Variants in PWWP3B observed in about 807,000 individuals in gnomAD.
The protein encoded by PWWP3B is PWWP domain containing 3B, also known as PWWP domain-containing DNA repair factor 3B.
Under a neutral mutation model 15.7 loss-of-function variants are expected in PWWP3B, and 5 were observed. The ratio of observed to expected loss-of-function variants is 0.32; its 90% confidence interval spans 0.17 to 0.67. The LOEUF (loss-of-function observed/expected upper bound fraction) is 0.67. Among genes scored for constraint, PWWP3B ranks in the 30% least tolerant of loss-of-function variants. The probability of loss-of-function intolerance (pLI) is 0.74; values close to 1 mark genes in which losing one functional copy is unlikely to be tolerated. For synonymous variants in PWWP3B, 203 were observed against 179.8 expected (o/e 1.13, Z -1.03); for missense variants, 519 against 493.1 (o/e 1.05, Z -0.50).
At chrX:106,174,500 G>A (rs1250197278) in intron 2 of PWWP3B, among the ~76,000 whole-genome samples, 1 of 111,751 alleles carries the variant, frequency 8.9e-6, no homozygotes, top group African/African-American at 3.3e-5. Flanking sequence ...CAGCAAAAGA[G>A]GATAAAAATG....
At chrX:106,170,186 T>A (rs1001287265) in intron 1 of PWWP3B, among the ~76,000 whole-genome samples, 1 of 111,908 alleles carries the variant, frequency 8.9e-6, no homozygotes, top group Non-Finnish European at 1.9e-5. Flanking sequence ...AAAATAATTA[T>A]TGATATGGAA....
intron 2 of PWWP3B, among the ~76,000 whole-genome samples, chrX:106,187,432 G>A (rs1484997010): frequency 8.9e-6 from 1 of 112,136 alleles, no homozygotes; most frequent in Non-Finnish European, 1.9e-5. Flanking sequence ...TGCCTGGGAA[G>A]TATAAAATCT....
intron 2 of PWWP3B, among the ~76,000 whole-genome samples, chrX:106,174,946 G>A (rs1337867135): frequency 3.7e-5 from 4 of 107,784 alleles, no homozygotes; most frequent in Non-Finnish European, 5.8e-5. Context: ...TACTCAGGAG[G>A]CTGAGGCAGG....
At position 106,182,967 on chromosome X, in the gene PWWP3B, C is replaced by T. The variant is rs560749900; in HGVS notation, c.-401+11828C>T. Among the ~76,000 whole-genome samples, 35 of 111,256 alleles carry T rather than the reference C, an allele frequency of 3.1e-4. No homozygotes were observed. In the South Asian group the frequency reaches 8.1e-3, roughly 26 times the overall value. Reference sequence around the variant, plus strand: ...GAAATAGGAGACACAAATCCTCCAACGGTTTGCAGGTGTATCAAGGCTGGT... The same window carrying T: ...GAAATAGGAGACACAAATCCTCCAATGGTTTGCAGGTGTATCAAGGCTGGT... On this transcript the variant is annotated intron_variant, in intron 2 of 3. Coordinates refer to ENST00000357175, the MANE Select transcript of PWWP3B (RefSeq NM_001171020.2).
Position 106,192,768 on chromosome X carries a change from C to G in PWWP3B, c.-400-11217C>G, listed in dbSNP as rs755536042. ...CTTTGTTCTCGTTGGTTTCAAAGAA[C>G]ATCTTTATTTCTGCCTTCATTTCAT... On this transcript the variant is annotated intron_variant, in intron 2 of 3. Coordinates refer to ENST00000357175, the MANE Select transcript of PWWP3B (RefSeq NM_001171020.2). Among the ~76,000 whole-genome samples, 15 of 110,907 alleles carry G rather than the reference C, an allele frequency of 1.4e-4. No individual in the cohort carries two copies. The South Asian group carries it at 5.9e-3, about 43-fold the overall frequency.
rs1164909133 is a variant in PWWP3B, at chrX:106,208,373, G to A, written c.*850G>A. 2 of 123,506 alleles carry A rather than the reference G, an allele frequency of 1.6e-5. No individual in the cohort carries two copies. The highest frequency in any genetic ancestry group is 3.7e-5 in the Non-Finnish European group (2 of 53,357). 10.2% of individuals were successfully genotyped at this position (123,506 alleles called of 1,213,427 possible). ...CATGTGGAAGGCAGCTAGACTTATT[G>A]TATTTACAGCCTGGCCACTCTAGAC... On this transcript the variant is annotated 3_prime_UTR_variant, in exon 4 of 4. Transcript: ENST00000357175.
intron 2 of PWWP3B, among the ~76,000 whole-genome samples, chrX:106,187,688 G>T (rs940178974): frequency 2.0e-4 from 22 of 111,372 alleles, no homozygotes; most frequent in Non-Finnish European, 1.9e-5. Flanking sequence ...TTTTTTTGCA[G>T]TGAAATTCAG....
intron 2 of PWWP3B, among the ~76,000 whole-genome samples, chrX:106,196,606 A>G (rs1378819742): frequency 9.0e-6 from 1 of 111,350 alleles, no homozygotes; most frequent in Non-Finnish European, 1.9e-5. Flanking sequence ...ATTGATTTGC[A>G]AATGTTGAAC....
intron 2 of PWWP3B, among the ~76,000 whole-genome samples, chrX:106,198,984 T>G (rs1923538126): frequency 1.8e-5 from 2 of 111,074 alleles, no homozygotes; most frequent in African/African-American, 6.5e-5. Flanking sequence ...TTAGATTATG[T>G]ATTAATACCT....
chrX:106,205,322 C>A lies in PWWP3B; in HGVS notation c.-111C>A. On this transcript the variant is annotated 5_prime_UTR_variant, in exon 4 of 4. Transcript: ENST00000357175. ...CTGTAAACCCTTTGTAGTCATAAGA[C>A]GAAAGAGGATTTGTTAAGAGTATTG... The A allele has an allele frequency of 1.3e-6, 1 of 756,608 alleles. No individual in the cohort carries two copies. Among genetic ancestry groups the A allele is most frequent in the Non-Finnish European group, 1.9e-6 (1 of 540,411 alleles). 62.4% of individuals were successfully genotyped at this position (756,608 alleles called of 1,213,427 possible).
At chrX:106,179,606 G>A (rs147249197) in intron 2 of PWWP3B, among the ~76,000 whole-genome samples, 2,846 of 111,417 alleles carry the variant, frequency 0.026, 98 homozygotes, top group African/African-American at 0.088. Flanking sequence ...GAGCCTCTGA[G>A]AAACAGTGGA....
intron 2 of PWWP3B, among the ~76,000 whole-genome samples, chrX:106,183,779 C>G (rs1321070839): frequency 1.8e-5 from 2 of 112,021 alleles, no homozygotes; most frequent in African/African-American, 6.5e-5. Flanking sequence ...TCCTGGCCCT[C>G]AATGGTTAAA....
chrX:106,205,532 G>A lies in PWWP3B; in HGVS notation c.100G>A (p.Ala34Thr), dbSNP rs778601960. The A allele has an allele frequency of 3.4e-5, 41 of 1,201,971 alleles. No individual in the cohort carries two copies. Among genetic ancestry groups the A allele is most frequent in the Non-Finnish European group, 4.6e-5 (41 of 890,963 alleles). ...ETSSNSKRKK[A>T]FSLEVQILSL... is the part of the protein sequence containing the mutation. ...TTCATCAAACAGTAAGAGGAAAAAGGCATTTTCTCTAGAAGTTCAAATACT... is the reference window on the plus strand; with the variant it reads ...TTCATCAAACAGTAAGAGGAAAAAGACATTTTCTCTAGAAGTTCAAATACT... Residue 34 changes from alanine to threonine, a missense_variant, in exon 4 of 4, where the codon GCA becomes ACA. Physicochemically the swap from Ala to Thr is moderately conservative, Grantham distance 58 (BLOSUM62 0). Coordinates refer to ENST00000357175, the MANE Select transcript of PWWP3B (RefSeq NM_001171020.2).
intron 2 of PWWP3B, among the ~76,000 whole-genome samples, chrX:106,181,589 G>T (rs1481384021): frequency 8.9e-6 from 1 of 112,007 alleles, no homozygotes; most frequent in Non-Finnish European, 1.9e-5. Context: ...GACCTAGGAA[G>T]TCCAGCTGGC....
rs1176340317 is a variant in PWWP3B at position 106,205,425 on chromosome X, A to G, written c.-8A>G. ...GTAATAACCCTTGGCACACAAATATAAACCATAATGGAGTCTGAGTATGTC... is the reference window on the plus strand; with the variant it reads ...GTAATAACCCTTGGCACACAAATATGAACCATAATGGAGTCTGAGTATGTC... On this transcript the variant is annotated 5_prime_UTR_variant, in exon 4 of 4. In the 5' UTR this introduces an upstream ATG that the reference lacks. Transcript: ENST00000357175. 6.2e-6 allele frequency: 7 copies of G among 1,121,929 alleles called. No homozygotes were observed. Among genetic ancestry groups the G allele is most frequent in the Non-Finnish European group, 8.2e-6 (7 of 854,062 alleles). 92.5% of individuals were successfully genotyped at this position (1,121,929 alleles called of 1,213,427 possible). A position where few individuals can be genotyped will look rare whatever the true frequency, so the allele number is the denominator to read the frequency against.
At chrX:106,181,756 C>T (rs1207377444) in intron 2 of PWWP3B, among the ~76,000 whole-genome samples, 5 of 111,452 alleles carry the variant, frequency 4.5e-5, no homozygotes, top group Admixed American at 3.8e-4. Flanking sequence ...GTCAAAGGGC[C>T]GGCAGGTCGG....
rs1174445847 is a variant in PWWP3B at position 106,206,281 on chromosome X, A to T, written c.849A>T (p.Gly283=). The T allele has an allele frequency of 8.3e-7, 1 of 1,206,551 alleles. No individual in the cohort carries two copies. Among genetic ancestry groups the T allele is most frequent in the Non-Finnish European group, 1.1e-6 (1 of 892,445 alleles). Reference sequence around the variant, plus strand: ...TCTCAGAGAATATTGAGGATCCTGGAGAGGGTCCCTCAAATCCATGCTTAG... The same window carrying T: ...TCTCAGAGAATATTGAGGATCCTGGTGAGGGTCCCTCAAATCCATGCTTAG... ...SAFSENIEDP[G]EGPSNPCLDT... is the part of the protein sequence containing the mutation. The change falls in exon 4 of 4, where the codon GGA becomes GGT. Residue 283 remains glycine, a synonymous_variant. Coordinates refer to ENST00000357175, the MANE Select transcript of PWWP3B (RefSeq NM_001171020.2).
At chrX:106,184,860 A>T (rs916757947) in intron 2 of PWWP3B, among the ~76,000 whole-genome samples, 3 of 110,872 alleles carry the variant, frequency 2.7e-5, no homozygotes, top group African/African-American at 6.6e-5. Context: ...GACATAACCG[A>T]TAGCCCAGGG....
chrX:106,183,796 C>T (rs1022884588), intron 2 of PWWP3B, among the ~76,000 whole-genome samples: 10 of 111,886 alleles, frequency 8.9e-5, no homozygotes, highest in Admixed American at 3.8e-4. Context: ...TAAACATATC[C>T]GGGGCTCAGT....
Sources: gnomAD v4.1 joint callset for allele counts (sites outside exome capture counted in the v4.1 genomes callset) on GRCh38, gnomAD v4.1.1 for gene constraint, MANE v1.5 for transcripts, NCBI Gene and HGNC (gene_info 2026-07-23, HGNC 2026-07-21) for gene names.